The following ZNF121 variants were observed in gnomAD, a reference collection of about 807,000 sequenced individuals.
The protein encoded by ZNF121 is zinc finger protein 121, also known as zinc finger protein 121 (clone ZHC32).
ZNF121 carries 1 observed loss-of-function variant against 2.4 expected under a neutral mutation model. The observed-to-expected ratio is 0.41, with a 90% CI of 0.15 to 1.94. ZNF121 has a LOEUF of 1.94. ZNF121 is among the 30% of genes most tolerant of loss of function. The probability of loss-of-function intolerance (pLI) is 0.30; values close to 1 mark genes in which losing one functional copy is unlikely to be tolerated. For missense variants in ZNF121, 369 were observed against 466.3 expected (o/e 0.79, Z 1.92); for synonymous variants, 173 against 158.6 (o/e 1.09, Z -0.68).
At chr19:9,571,900 C>T (rs1232412241) in intron 1 of ZNF121, among the ~76,000 whole-genome samples, 2 of 152,068 alleles carry the variant, frequency 1.3e-5, no homozygotes, top group African/African-American at 4.8e-5. Flanking sequence ...GGACTATAGG[C>T]ACATACTACC....
chr19:9,571,226 GATTAAACT>G (rs2144812053), intron 1 of ZNF121, among the ~76,000 whole-genome samples: 2 of 152,302 alleles, frequency 1.3e-5, no homozygotes, highest in Non-Finnish European at 2.9e-5. Context: ...GTTGTGTTCT[GATTAAACT>G]TTATATACAA....
rs1369472195 is a variant in ZNF121, at chr19:9,565,387, A to AAAAAAAAAAAAT, written c.*552_*553insATTTTTTTTTTT. The stretch of plus-strand genomic sequence containing the variant: ...AAAAAAAAAAAAAAAAAAAAAAAAA[A>AAAAAAAAAAAAT]GGCCAGGAGCAGTGGCTCACTCCTA... On this transcript the variant is annotated 3_prime_UTR_variant, in exon 4 of 4. Coordinates refer to ENST00000320451, the MANE Select transcript of ZNF121 (RefSeq NM_001008727.5). 4.3e-5 allele frequency: 6 copies of AAAAAAAAAAAAT among 139,772 alleles called. No individual in the cohort carries two copies. The highest frequency in any genetic ancestry group is 6.2e-5 in the Non-Finnish European group (4 of 64,952). 8.7% of individuals were successfully genotyped at this position (139,772 alleles called of 1,614,324 possible).
rs1171658051 is a variant in ZNF121, at chr19:9,566,993, G to A, written c.120C>T (p.Asp40=). 3.1e-6 allele frequency: 5 copies of A among 1,614,036 alleles called. No homozygotes were observed. The highest frequency in any genetic ancestry group is 4.2e-6 in the Non-Finnish European group (5 of 1,180,040). ...GAAAGTTTTCTCCATACTCATCACA[G>A]TCATAAGTGTCCCCTGTATTTTCAG... ...MGTENTGDTY[D]CDEYGENFPM... The change falls in exon 4 of 4, where the codon GAC becomes GAT. Residue 40 remains aspartate (D), a synonymous_variant. Transcript: ENST00000320451.
chr19:9,582,475 C>T (rs1424804942), intron 1 of ZNF121, among the ~76,000 whole-genome samples: 4 of 152,168 alleles, frequency 2.6e-5, no homozygotes, highest in Non-Finnish European at 5.9e-5. Context: ...GAACAACCTC[C>T]TTTAACTGTA....
intron 1 of ZNF121, among the ~76,000 whole-genome samples, chr19:9,577,182 G>C (rs191773834): frequency 6.6e-6 from 1 of 152,128 alleles, no homozygotes; most frequent in Non-Finnish European, 1.5e-5. Flanking sequence ...AGTGGCTCAC[G>C]CCCGTAATTC....
At chr19:9,571,216 G>C (rs1199780215) in intron 1 of ZNF121, among the ~76,000 whole-genome samples, 1 of 152,142 alleles carries the variant, frequency 6.6e-6, no homozygotes, top group Non-Finnish European at 1.5e-5. Flanking sequence ...AATGAACACG[G>C]TTGTGTTCTG....
At chr19:9,570,747 G>A (rs1053852385) in intron 1 of ZNF121, among the ~76,000 whole-genome samples, 2 of 151,660 alleles carry the variant, frequency 1.3e-5, no homozygotes, top group South Asian at 2.1e-4. Context: ...TTTGCGAGGG[G>A]GGGGGGTATT....
chr19:9,574,581 A>C (rs1267611903), intron 1 of ZNF121, among the ~76,000 whole-genome samples: 1 of 152,188 alleles, frequency 6.6e-6, no homozygotes, highest in Non-Finnish European at 1.5e-5. Flanking sequence ...TGCTGTGTCC[A>C]GTTTCCACTG....
At chr19:9,567,490 G>A (rs548879140) in intron 3 of ZNF121, among the ~76,000 whole-genome samples, 14 of 152,162 alleles carry the variant, frequency 9.2e-5, no homozygotes, top group African/African-American at 3.4e-4. Flanking sequence ...TTTGCTACCA[G>A]AGACTGATTT....
In ZNF121 at chr19:9,562,849, C is replaced by T. The variant is rs1256864700; in HGVS notation, c.*3091G>A. On this transcript the variant is annotated 3_prime_UTR_variant, in exon 4 of 4. Transcript: ENST00000320451. ...GGAGCATCACTTGAGGTTTTAAGTT[C>T]AAGATCAGCCGGGTAAACAGTAAAG... The T allele has an allele frequency of 1.6e-5, 2 of 122,568 alleles. No individual in the cohort carries two copies. The highest frequency in any genetic ancestry group is 3.3e-5 in the Non-Finnish European group (2 of 60,694). The allele number at this position is 122,568 out of a possible 1,614,324, so 7.6% of individuals were successfully genotyped here.
Position 9,565,353 on chromosome 19 carries a change from C to A in ZNF121, c.*587G>T, listed in dbSNP as rs77650306. On this transcript the variant is annotated 3_prime_UTR_variant, in exon 4 of 4. Coordinates refer to ENST00000320451, the MANE Select transcript of ZNF121 (RefSeq NM_001008727.5). ...AAGAATGTGTATTAACAACGACTTA[C>A]AAAAAAAAAAAAAAAAAAAAAAAAA... is the stretch of plus-strand genomic sequence containing the variant. The A allele has an allele frequency of 0.061, 1,833 of 29,828 alleles. 108 individuals are homozygous for A. The highest frequency in any genetic ancestry group is 0.24 in the Middle Eastern group (9 of 38). The allele number at this position is 29,828 out of a possible 1,614,324, so 1.8% of individuals were successfully genotyped here.
At chr19:9,577,554 A>G (rs2074219782) in intron 1 of ZNF121, among the ~76,000 whole-genome samples, 1 of 152,192 alleles carries the variant, frequency 6.6e-6, no homozygotes, top group Non-Finnish European at 1.5e-5. Context: ...TAGAGGATAC[A>G]GAAAAAAAAT....
intron 1 of ZNF121, among the ~76,000 whole-genome samples, chr19:9,574,414 A>G (rs968740197): frequency 2.6e-5 from 4 of 152,004 alleles, no homozygotes; most frequent in African/African-American, 4.8e-5. Context: ...TTGGCCTCCC[A>G]AAGTGCTAGG....
At chr19:9,572,563 C>T (rs2074181513) in intron 1 of ZNF121, among the ~76,000 whole-genome samples, 1 of 152,162 alleles carries the variant, frequency 6.6e-6, no homozygotes, top group South Asian at 2.1e-4. Context: ...AGTGGCTGTT[C>T]AGGAGCACCA....
At chr19:9,572,631 A>C (rs1355050173) in intron 1 of ZNF121, among the ~76,000 whole-genome samples, 1 of 152,150 alleles carries the variant, frequency 6.6e-6, no homozygotes, top group Non-Finnish European at 1.5e-5. Context: ...CAGCCTTCCC[A>C]CAGTGCTGGA....
intron 1 of ZNF121, among the ~76,000 whole-genome samples, chr19:9,580,354 C>T (rs1468798278): frequency 6.6e-6 from 1 of 151,502 alleles, no homozygotes; most frequent in African/African-American, 2.4e-5. Flanking sequence ...AAAGACATTC[C>T]CTACAAAAAG....
rs377448304 is a variant in ZNF121, at chr19:9,566,502, T to C, written c.611A>G (p.Glu204Gly). ...GCGCCCAGCGAAGGCTCTTCCACAT[T>C]CCTTACATTGATAAGGTTTCTCTCC... Reference protein sequence around the residue: ...HTGEKPYQCKECGRAFAGRSG... With the variant: ...HTGEKPYQCKGCGRAFAGRSG... Residue 204 changes from glutamate to glycine, a missense_variant, in exon 4 of 4, where the codon GAA (glutamate) becomes GGA (glycine). Around this residue, in one of 4 missense-constraint regions of ZNF121, gnomAD observed 68 missense variants for 105.5 expected, o/e 0.64. Coordinates refer to ENST00000320451, the MANE Select transcript of ZNF121 (RefSeq NM_001008727.5). The C allele has an allele frequency of 9.3e-6, 15 of 1,614,176 alleles. No homozygotes were observed. Among genetic ancestry groups the C allele is most frequent in the Non-Finnish European group, 1.3e-5 (15 of 1,180,016 alleles).
intron 1 of ZNF121, among the ~76,000 whole-genome samples, chr19:9,581,083 C>T (rs969579647): frequency 3.3e-5 from 5 of 152,070 alleles, no homozygotes; most frequent in African/African-American, 9.7e-5. Flanking sequence ...AATATTTACA[C>T]ACACCATGAG....
intron 1 of ZNF121, among the ~76,000 whole-genome samples, chr19:9,583,087 C>T (rs1381011536): frequency 7.1e-6 from 1 of 141,366 alleles, no homozygotes; most frequent in African/African-American, 2.6e-5. Flanking sequence ...GGCATGGTCC[C>T]CATGCCTGTT....
Sources: allele counts gnomAD v4.1 joint callset (sites outside exome capture counted in the v4.1 genomes callset), GRCh38; gene constraint gnomAD v4.1.1; regional missense constraint gnomAD v4.1.1; transcripts MANE v1.5; gene names NCBI Gene and HGNC (gene_info 2026-07-23, HGNC 2026-07-21).